Variants in CCN4 observed in about 807,000 individuals in gnomAD.
CCN4 encodes CCN family member 4.
CCN4 carries 30 observed loss-of-function variants against 36.7 expected under a neutral mutation model. That is an observed-to-expected ratio of 0.82 (90% CI 0.61 to 1.11). The LOEUF (loss-of-function observed/expected upper bound fraction) is 1.11, where lower values mean the gene tolerates loss of function less well. CCN4 is among the 50% of genes least tolerant of loss of function. The pLI is 0.00. For missense variants in CCN4, 505 were observed against 504.9 expected (o/e 1.00, Z 0.00); for synonymous variants, 191 against 195.4 (o/e 0.98, Z 0.19).
At chr8:133,194,786 GGT>G (rs1215992636) in intron 1 of CCN4, among the ~76,000 whole-genome samples, 70 of 103,792 alleles carry the variant, frequency 6.7e-4, no homozygotes, top group Middle Eastern at 5.7e-3. Context: ...GGGGATGTGT[GGT>G]GTGTGTGTGT....
chr8:133,198,743 C>G (rs1401876158), intron 1 of CCN4, among the ~76,000 whole-genome samples: 1 of 152,214 alleles, frequency 6.6e-6, no homozygotes, highest in Non-Finnish European at 1.5e-5. Flanking sequence ...CGTCGCCCAG[C>G]TGGGACTCTC....
chr8:133,204,506 A>C (rs1426884481), intron 1 of CCN4, among the ~76,000 whole-genome samples: 1 of 152,244 alleles, frequency 6.6e-6, no homozygotes, highest in African/African-American at 2.4e-5. Context: ...TGCTGGTCAA[A>C]CTGCTACGGA....
In CCN4 at chr8:133,225,603, G is replaced by A. The variant is rs762349274; in HGVS notation, c.804+20G>A. On this transcript the variant is annotated intron_variant, in intron 4 of 4. Coordinates refer to ENST00000250160, the MANE Select transcript of CCN4 (RefSeq NM_003882.4). ...ATTAAGGTGGGTCCAGAGCAGGTGT[G>A]GATGTCTAGACTTCACAAGCAGACA... 6 of 1,546,084 alleles carry A rather than the reference G, an allele frequency of 3.9e-6. No homozygotes were observed. The African/African-American group carries it at 5.5e-5, about 14-fold the overall frequency.
At chr8:133,220,929 A>C in intron 3 of CCN4, 88 bp downstream of exon 3, 1,497 of 1,477,678 alleles carry the variant, frequency 1.0e-3, no homozygotes, top group Non-Finnish European at 1.2e-3. Flanking sequence ...AGAATGACTC[A>C]TTCCCCAGTC....
Position 133,230,222 on chromosome 8 carries a change from T to C in CCN4, c.*2512T>C, listed in dbSNP as rs1338207348. ...GGAGGGCAAGTCTCAGACCCATGGGTTGAAGCCATGGAGAAGGAAATTTGG... is the reference window on the plus strand; with the variant it reads ...GGAGGGCAAGTCTCAGACCCATGGGCTGAAGCCATGGAGAAGGAAATTTGG... On this transcript the variant is annotated 3_prime_UTR_variant, in exon 5 of 5. Coordinates refer to ENST00000250160, the MANE Select transcript of CCN4 (RefSeq NM_003882.4). 6.6e-6 allele frequency: 1 copy of C among 152,228 alleles called. No individual in the cohort carries two copies. The highest frequency in any genetic ancestry group is 1.5e-5 in the Non-Finnish European group (1 of 68,034). 9.4% of individuals were successfully genotyped at this position (152,228 alleles called of 1,614,324 possible).
chr8:133,223,553 C>A (rs1854609400), intron 3 of CCN4, among the ~76,000 whole-genome samples: 1 of 152,086 alleles, frequency 6.6e-6, no homozygotes, highest in Non-Finnish European at 1.5e-5. Flanking sequence ...GATTTCTCTT[C>A]TTTTCTGTGT....
Position 133,220,817 on chromosome 8 carries a change from G to A in CCN4, c.586G>A (p.Ala196Thr), listed in dbSNP as rs143089011. 364 of 1,604,296 alleles carry A rather than the reference G, an allele frequency of 2.3e-4. No homozygotes were observed. The highest frequency in any genetic ancestry group is 2.0e-3 in the Admixed American group (117 of 59,858). The change falls in exon 3 of 5, where the codon GCA becomes ACA. Residue 196 changes from alanine (A) to threonine (T), a missense_variant. Transcript: ENST00000250160. The stretch of plus-strand genomic sequence containing the variant: ...CGACGCCAAGAGGCCACGCAAGACC[G>A]CACCCCGTGACACAGGAGCCTTCGG... ...EDDAKRPRKT[A>T]PRDTGAFDAV...
rs770795586 is a variant in CCN4, at chr8:133,227,717, A to T, written c.*7A>T. 12 of 1,609,570 alleles carry T rather than the reference A, an allele frequency of 7.5e-6. No homozygotes were observed. The highest frequency in any genetic ancestry group is 9.3e-6 in the Non-Finnish European group (11 of 1,177,152). On this transcript the variant is annotated 3_prime_UTR_variant, in exon 5 of 5. Coordinates refer to ENST00000250160, the MANE Select transcript of CCN4 (RefSeq NM_003882.4). ...CTCAGAAATTGCCAACTAGGCAGGC[A>T]CAAATCTTGGGTCTTGGGGACTAAC...
intron 1 of CCN4, among the ~76,000 whole-genome samples, chr8:133,197,215 A>G (rs1853423554): frequency 6.6e-6 from 1 of 152,050 alleles, no homozygotes; most frequent in Non-Finnish European, 1.5e-5. Context: ...ATGGACCCCA[A>G]CAGACCCAAC....
At chr8:133,210,387 GT>G (rs1359795350) in intron 1 of CCN4, among the ~76,000 whole-genome samples, 4 of 42,172 alleles carry the variant, frequency 9.5e-5, no homozygotes, top group Admixed American at 6.5e-4. Flanking sequence ...AAAAAGAGGG[GT>G]GTGTGTGTGT....
chr8:133,196,615 C>T (rs565442184), intron 1 of CCN4, among the ~76,000 whole-genome samples: 7 of 147,702 alleles, frequency 4.7e-5, no homozygotes, highest in African/African-American at 1.5e-4. Flanking sequence ...GTTCTAATCC[C>T]AGTGTCTCCA....
Position 133,209,086 on chromosome 8 carries a change from C to T in CCN4, c.70-3778C>T, listed in dbSNP as rs188345882. Among the ~76,000 whole-genome samples the T allele has an allele frequency of 3.0e-3, 450 of 152,298 alleles. 1 individual carries two copies. The highest frequency in any genetic ancestry group is 0.01 in the African/African-American group (428 of 41,564). On this transcript the variant is annotated intron_variant, in intron 1 of 4. Coordinates refer to ENST00000250160, the MANE Select transcript of CCN4 (RefSeq NM_003882.4). Reference sequence around the variant, plus strand: ...CTGTGCATAGTAGGGATTCAATAATCCTCGGTCCCTAGAATGACTCAGTCA... The same window carrying T: ...CTGTGCATAGTAGGGATTCAATAATTCTCGGTCCCTAGAATGACTCAGTCA...
chr8:133,220,563 G>A lies in CCN4; in HGVS notation c.350-18G>A, dbSNP rs372981572. Reference sequence around the variant, plus strand: ...GGCACCAAGGCCACTGGGCCTGACCGGCCACCTGTGTTTGCAGAGGTGGTC... The same window carrying A: ...GGCACCAAGGCCACTGGGCCTGACCAGCCACCTGTGTTTGCAGAGGTGGTC... On this transcript the variant is annotated intron_variant, in intron 2 of 4. Coordinates refer to ENST00000250160, the MANE Select transcript of CCN4 (RefSeq NM_003882.4). 791 of 1,604,982 alleles carry A rather than the reference G, an allele frequency of 4.9e-4. 13 individuals are homozygous for A. In the South Asian group the frequency reaches 7.2e-3, roughly 15 times the overall value.
At chr8:133,212,283 A>G (rs1018525541) in intron 1 of CCN4, among the ~76,000 whole-genome samples, 1 of 152,172 alleles carries the variant, frequency 6.6e-6, no homozygotes, top group Non-Finnish European at 1.5e-5. Flanking sequence ...AGGAGCTATA[A>G]AGTTGAATAC....
chr8:133,194,580 G>A (rs374285688), intron 1 of CCN4, among the ~76,000 whole-genome samples: 5 of 115,166 alleles, frequency 4.3e-5, no homozygotes, highest in African/African-American at 1.4e-4. Context: ...ATGGAGGGGT[G>A]TGTGGGGTGT....
chr8:133,206,144 C>T (rs148721831), intron 1 of CCN4, among the ~76,000 whole-genome samples: 2 of 152,202 alleles, frequency 1.3e-5, no homozygotes, highest in Non-Finnish European at 2.9e-5. Flanking sequence ...TATGGAGCCA[C>T]AGCTCTGACC....
intron 1 of CCN4, among the ~76,000 whole-genome samples, chr8:133,209,803 A>C (rs750280415): frequency 6.6e-6 from 1 of 152,162 alleles, no homozygotes; most frequent in Non-Finnish European, 1.5e-5. Context: ...GTGCCATGTG[A>C]CATGTGCCAG....
chr8:133,205,778 A>G (rs1853750790), intron 1 of CCN4, among the ~76,000 whole-genome samples: 3 of 152,178 alleles, frequency 2.0e-5, no homozygotes, highest in Admixed American at 2.0e-4. Context: ...ACTATTTTTG[A>G]GATCCTACAG....
At chr8:133,197,136 A>G (rs915805700) in intron 1 of CCN4, among the ~76,000 whole-genome samples, 3 of 151,962 alleles carry the variant, frequency 2.0e-5, no homozygotes, top group Non-Finnish European at 4.4e-5. Flanking sequence ...TGAGATGTGT[A>G]TCTTACTAAC....
Sources: gnomAD v4.1 joint callset for allele counts (sites outside exome capture counted in the v4.1 genomes callset) on GRCh38, gnomAD v4.1.1 for gene constraint, MANE v1.5 for transcripts, NCBI Gene and HGNC (gene_info 2026-07-23, HGNC 2026-07-21) for gene names.